Variants in EVC2 observed in about 807,000 individuals in gnomAD.
EVC2 encodes the protein limbin.
EVC2 carries 148 observed loss-of-function variants against 149.3 expected under a neutral mutation model. The ratio of observed to expected loss-of-function variants is 0.99; its 90% CI spans 0.87 to 1.14. EVC2 has a LOEUF of 1.14. Ranked by LOEUF, EVC2 falls within the 50% of genes most tolerant of loss-of-function variation. EVC2 has a pLI of 0.00. For synonymous variants in EVC2, 776 were observed against 649.9 expected (o/e 1.19, Z -2.95); for missense variants, 1,854 against 1,627.3 (o/e 1.14, Z -2.40).
intron 2 of EVC2, 108 bp downstream of exon 2, chr4:5,697,485 G>C (rs1721555875): frequency 4.5e-6 from 5 of 1,102,808 alleles, no homozygotes; most frequent in Non-Finnish European, 2.7e-6. Context: ...AAAGTAGAGA[G>C]GTGCTGGAAG....
At position 5,663,208 on chromosome 4, in the gene EVC2, G is replaced by T; in HGVS notation, c.1044C>A (p.Phe348Leu). 6.2e-7 allele frequency: 1 copy of T among 1,614,180 alleles called. No individual in the cohort carries two copies. The highest frequency in any genetic ancestry group is 1.1e-5 in the South Asian group (1 of 91,080). The change falls in exon 9 of 22, where the codon TTC becomes TTA. Residue 348 changes from phenylalanine (F) to leucine (L), a missense_variant. Phe to Leu is a conservative substitution (Grantham distance 22, BLOSUM62 0). Coordinates refer to ENST00000344408, the MANE Select transcript of EVC2 (RefSeq NM_147127.5). ...QYESKLEPLPFTSADGVNEDL... is the reference protein window; with the variant it reads ...QYESKLEPLPLTSADGVNEDL... ...CCTCATTCACGCCATCAGCTGAGGT[G>T]AACGGCAAGGGTTCCAGCTTGCTCT...
At chr4:5,544,520 G>C (rs1360247060) in intron 21 of EVC2, among the ~76,000 whole-genome samples, 2 of 152,188 alleles carry the variant, frequency 1.3e-5, no homozygotes, top group Admixed American at 1.3e-4. Context: ...CAGTGCAGGA[G>C]TCAGAGAGCT....
intron 6 of EVC2, 40 bp downstream of exon 6, chr4:5,685,330 G>A (rs1156713314): frequency 6.3e-7 from 1 of 1,580,354 alleles, no homozygotes; most frequent in African/African-American, 1.3e-5. Flanking sequence ...AACCTCTCTT[G>A]GCAGTGGCAA....
At chr4:5,674,702 C>T (rs1027748411) in intron 7 of EVC2, among the ~76,000 whole-genome samples, 3 of 152,062 alleles carry the variant, frequency 2.0e-5, no homozygotes, top group East Asian at 1.9e-4. Context: ...AAAACAAAGG[C>T]GCCCAGTGGC....
At chr4:5,545,837 T>C (rs1376218416) in intron 21 of EVC2, among the ~76,000 whole-genome samples, 2 of 152,184 alleles carry the variant, frequency 1.3e-5, no homozygotes, top group African/African-American at 2.4e-5. Context: ...GGTAAGGTGC[T>C]GCAGGGATGA....
chr4:5,681,108 G>C, intron 7 of EVC2, 152 bp downstream of exon 7: 1 of 864,770 alleles, frequency 1.2e-6, no homozygotes, highest in Non-Finnish European at 1.9e-6. Flanking sequence ...GGGCACACGG[G>C]GGACCCGAGA....
intron 10 of EVC2, 123 bp from the exon 11 acceptor site, chr4:5,632,155 T>C: frequency 7.7e-7 from 1 of 1,300,620 alleles, no homozygotes; most frequent in East Asian, 2.5e-5. Flanking sequence ...CACAGATGCA[T>C]GCACATATGC....
intron 12 of EVC2, among the ~76,000 whole-genome samples, chr4:5,626,777 C>G (rs1716149198): frequency 6.6e-6 from 1 of 152,142 alleles, no homozygotes; most frequent in Non-Finnish European, 1.5e-5. Flanking sequence ...AACACAGAGG[C>G]AGAGGAAAGA....
chr4:5,673,880 G>A (rs538558815), intron 7 of EVC2, among the ~76,000 whole-genome samples: 21 of 152,276 alleles, frequency 1.4e-4, no homozygotes, highest in African/African-American at 1.9e-4. Flanking sequence ...GTGGGATTAC[G>A]GCATGAAGCT....
the EVC2 span, among the ~76,000 whole-genome samples, chr4:5,534,804 A>G: frequency 6.9e-6 from 1 of 144,906 alleles, no homozygotes; most frequent in Non-Finnish European, 1.5e-5. Context: ...GGCACTTAGC[A>G]TAGCATCTGG....
At chr4:5,635,727 T>G (rs530949954) in intron 10 of EVC2, among the ~76,000 whole-genome samples, 3 of 152,360 alleles carry the variant, frequency 2.0e-5, no homozygotes, top group Non-Finnish European at 2.9e-5. Context: ...AGAATTCTTG[T>G]GCTGAGGACA....
At chr4:5,568,369 C>T in intron 20 of EVC2, 75 bp downstream of exon 20, 2 of 1,430,198 alleles carry the variant, frequency 1.4e-6, no homozygotes, top group South Asian at 2.5e-5. Context: ...ATGGGCCTCC[C>T]ATGACCTTGA....
chr4:5,559,208 C>CA (rs576346566), downstream of EVC2, among the ~76,000 whole-genome samples: 2 of 151,728 alleles, frequency 1.3e-5, no homozygotes, highest in South Asian at 2.1e-4. This position sits in a 1 kb window ranked among gnomAD's most constrained non-coding sequence, Gnocchi z 5.0. Context: ...GACCATGTCT[C>CA]AAAAAAATAA....
chr4:5,531,567 A>G, the EVC2 span, among the ~76,000 whole-genome samples: 1 of 152,146 alleles, frequency 6.6e-6, no homozygotes, highest in Non-Finnish European at 1.5e-5. Context: ...GCCTGCTGTC[A>G]GATCAGTGGC....
chr4:5,671,097 T>C (rs1172371051), intron 7 of EVC2, among the ~76,000 whole-genome samples: 4 of 152,242 alleles, frequency 2.6e-5, no homozygotes, highest in African/African-American at 4.8e-5. Context: ...TTAATCCATT[T>C]AATCTCCACA....
At chr4:5,671,678 AT>A (rs1289216571) in intron 7 of EVC2, among the ~76,000 whole-genome samples, 6 of 151,990 alleles carry the variant, frequency 3.9e-5, no homozygotes, top group Admixed American at 3.9e-4. Flanking sequence ...TGCCCAGCTA[AT>A]TTTTGTACTT....
chr4:5,547,927 T>C (rs1236093130), intron 21 of EVC2, among the ~76,000 whole-genome samples: 1 of 152,114 alleles, frequency 6.6e-6, no homozygotes, highest in African/African-American at 2.4e-5. Context: ...GTTCCTGGAT[T>C]CTCCAAGCTT....
intron 16 of EVC2, among the ~76,000 whole-genome samples, chr4:5,589,215 G>A (rs1330873178): frequency 2.0e-5 from 3 of 152,176 alleles, no homozygotes; most frequent in Admixed American, 2.0e-4. Context: ...TTTTATGTGG[G>A]ACTAGCATAG....
At chr4:5,665,410 C>T in intron 8 of EVC2, 105 bp downstream of exon 8, 1 of 1,564,494 alleles carries the variant, frequency 6.4e-7, no homozygotes, top group East Asian at 2.2e-5. Context: ...TGCACAGCTC[C>T]CTCAGCAATG....
Sources: allele counts gnomAD v4.1 joint callset (sites outside exome capture counted in the v4.1 genomes callset), GRCh38; gene constraint gnomAD v4.1.1; non-coding constraint Gnocchi (gnomAD v3.1); transcripts MANE v1.5; gene names NCBI Gene and HGNC (gene_info 2026-07-23, HGNC 2026-07-21).